The following GYS1 variants were observed in gnomAD, a reference collection of about 807,000 sequenced individuals.
GYS1 encodes the protein glycogen synthase 1.
Under a neutral mutation model 89.1 loss-of-function variants are expected in GYS1, and 60 were observed. The ratio of observed to expected loss-of-function variants is 0.67; its 90% confidence interval spans 0.55 to 0.84. The LOEUF (loss-of-function observed/expected upper bound fraction) is 0.84, where lower values mean the gene tolerates loss of function less well. Among genes scored for constraint, GYS1 ranks in the 40% least tolerant of loss-of-function variants. The pLI, the probability that GYS1 is intolerant of heterozygous loss-of-function variation, is 0.00. For synonymous variants in GYS1, 366 were observed against 401.7 expected (o/e 0.91, Z 1.06); for missense variants, 888 against 1,003.1 (o/e 0.89, Z 1.55).
rs945768678 is a variant in GYS1, at chr19:48,977,151, G to A, written c.1308+773C>T. ...TGTGGGATCTGGCTCTGTCCCCCAG[G>A]CTGGTGTACAGTGGCACAGTCATGG... is the stretch of plus-strand genomic sequence containing the variant. On this transcript the variant is annotated intron_variant, in intron 10 of 15. Coordinates refer to ENST00000323798, the MANE Select transcript of GYS1 (RefSeq NM_002103.5). 2.0e-5 allele frequency among the ~76,000 whole-genome samples: 3 copies of A among 151,726 alleles called. No homozygotes were observed. The East Asian group carries it at 5.8e-4, about 29-fold the overall frequency.
rs1164286080 is a variant in GYS1 at position 48,993,099 on chromosome 19, C to T, written c.14G>A (p.Arg5His). The change falls in exon 1 of 16, where the codon CGC becomes CAC. Residue 5 changes from arginine (R) to histidine (H), a missense_variant. Arg to His is a conservative substitution (Grantham distance 29). Transcript: ENST00000323798. MPLN[R>H]TLSMSSLPGL... ...TGGCAGTGAGGACATGGACAAAGTGCGGTTTAAAGGCATGGCTGGCGCAGG... is the reference window on the plus strand; with the variant it reads ...TGGCAGTGAGGACATGGACAAAGTGTGGTTTAAAGGCATGGCTGGCGCAGG... 6 of 1,603,818 alleles carry T rather than the reference C, an allele frequency of 3.7e-6. No homozygotes were observed. The East Asian group carries it at 1.1e-4, about 30-fold the overall frequency.
At chr19:48,970,297 T>C in intron 14 of GYS1, 1 of 503,846 alleles carries the variant, frequency 2.0e-6, no homozygotes, top group Non-Finnish European at 3.6e-6. Context: ...GCTGATTTTT[T>C]TTTATTTTTA....
At chr19:48,992,871 C>T (rs2038960370) in intron 1 of GYS1, 124 bp downstream of exon 1, 1 of 719,698 alleles carries the variant, frequency 1.4e-6, no homozygotes, top group Non-Finnish European at 2.5e-6. Context: ...TCCTCAAGGA[C>T]ACAGCCTCCT....
At chr19:48,970,366 C>T in intron 14 of GYS1, 180 bp downstream of exon 14, 1 of 619,900 alleles carries the variant, frequency 1.6e-6, no homozygotes, top group East Asian at 2.8e-5. Flanking sequence ...GCGATCCTTC[C>T]TGTTAGGCCT....
In GYS1 at chr19:48,993,128, G is replaced by C. The variant is rs774665902; in HGVS notation, c.-16C>G. On this transcript the variant is annotated 5_prime_UTR_variant, in exon 1 of 16. Transcript: ENST00000323798. ...TTAAAGGCATGGCTGGCGCAGGAAG[G>C]GGGGCTCCGGGGATCTCCAGGTAGG... 31 of 1,399,766 alleles carry C rather than the reference G, an allele frequency of 2.2e-5. No individual in the cohort carries two copies. The highest frequency in any genetic ancestry group is 1.2e-4 in the Admixed American group (7 of 59,736). 86.7% of individuals were successfully genotyped at this position (1,399,766 alleles called of 1,614,324 possible).
chr19:48,982,681 G>A (rs371214447), intron 6 of GYS1, 39 bp downstream of exon 6: 63 of 1,370,090 alleles, frequency 4.6e-5, no homozygotes, highest in Admixed American at 3.9e-4. Flanking sequence ...GGCTCCCAAC[G>A]CCCTCCTCTC....
Position 48,985,457 on chromosome 19 carries a change from C to G in GYS1, c.823+4G>C. ...ACGTCTGGGGACTTCAGCCCAGCCC[C>G]TACCTGGTTTCCTCTTGAGCAAGTG... On this transcript the variant is annotated splice_donor_region_variant and intron_variant, in intron 5 of 15. Coordinates refer to ENST00000323798, the MANE Select transcript of GYS1 (RefSeq NM_002103.5). 6.2e-7 allele frequency: 1 copy of G among 1,613,436 alleles called. No homozygotes were observed. Among genetic ancestry groups the G allele is most frequent in the African/African-American group, 1.3e-5 (1 of 75,064 alleles).
chr19:48,988,060 C>A lies in GYS1; in HGVS notation c.301-675G>T, dbSNP rs1198608542. The stretch of plus-strand genomic sequence containing the variant: ...CTTGTGATCCGCCCGCCTCGGCGTC[C>A]CAAAGTGCTGGGATTACAGGCGTGA... On this transcript the variant is annotated intron_variant, in intron 2 of 15. Transcript: ENST00000323798. 3.9e-5 allele frequency among the ~76,000 whole-genome samples: 6 copies of A among 152,326 alleles called. No individual in the cohort carries two copies. In the East Asian group the frequency reaches 7.7e-4, roughly 20 times the overall value.
intron 10 of GYS1, among the ~76,000 whole-genome samples, chr19:48,976,824 G>A (rs143917433): frequency 6.8e-6 from 1 of 146,690 alleles, no homozygotes; most frequent in African/African-American, 2.7e-5. Context: ...GAGTGCAGTG[G>A]CATAATCATA....
At chr19:48,990,562 A>G (rs2038910966) in intron 2 of GYS1, among the ~76,000 whole-genome samples, 1 of 152,206 alleles carries the variant, frequency 6.6e-6, no homozygotes, top group South Asian at 2.1e-4. Context: ...CGATGATCAT[A>G]ACAATGACAA....
At chr19:48,975,222 C>A (rs1036027886) in intron 10 of GYS1, among the ~76,000 whole-genome samples, 4 of 150,928 alleles carry the variant, frequency 2.7e-5, no homozygotes, top group African/African-American at 9.7e-5. Flanking sequence ...TGAGCCATTG[C>A]GCTCAGCCTA....
At chr19:48,987,946 G>GCCCGCCACCACGC (rs956448482) in intron 2 of GYS1, among the ~76,000 whole-genome samples, 3 of 152,088 alleles carry the variant, frequency 2.0e-5, no homozygotes, top group African/African-American at 7.2e-5. Context: ...GACTACAGCG[G>GCCCGCCACCACGC]CCCGCCACCA....
At position 48,993,236 on chromosome 19, in the gene GYS1, C is replaced by G. The variant is rs1249518343; in HGVS notation, c.-124G>C. ...CCCGACGGGAAGCTTGCAAGACGCT[C>G]GGCTTCCTATTGCAAGACCGCACCC... On this transcript the variant is annotated 5_prime_UTR_variant, in exon 1 of 16. Transcript: ENST00000323798. The G allele has an allele frequency of 1.3e-6, 1 of 760,610 alleles. No homozygotes were observed. The allele number at this position is 760,610 out of a possible 1,614,324, so 47.1% of individuals were successfully genotyped here.
chr19:48,979,626 C>T (rs112677937), intron 8 of GYS1, among the ~76,000 whole-genome samples: 20 of 148,218 alleles, frequency 1.3e-4, no homozygotes, highest in African/African-American at 3.0e-4. Context: ...TGTGAGCCAC[C>T]GCGCCCAGCC....
At position 48,971,014 on chromosome 19, in the gene GYS1, G is replaced by A. The variant is rs747911098; in HGVS notation, c.1559C>T (p.Thr520Met). 66 of 1,612,360 alleles carry A rather than the reference G, an allele frequency of 4.1e-5. No homozygotes were observed. The Middle Eastern group carries it at 4.9e-4, about 12-fold the overall frequency. ...EPWGYTPAEC[T>M]VMGIPSISTN... ...GGAGATACTGGGGATTCCCATAACC[G>A]TGCACTCAGCTGCGGGAAGGCAGGA... is the stretch of plus-strand genomic sequence containing the variant. The change falls in exon 13 of 16, where the codon ACG (threonine) becomes ATG (methionine). Residue 520 changes from threonine to methionine, a missense_variant. Thr to Met is a moderately conservative substitution (Grantham distance 81). Coordinates refer to ENST00000323798, the MANE Select transcript of GYS1 (RefSeq NM_002103.5).
chr19:48,979,769 T>C (rs1265988057), intron 8 of GYS1, among the ~76,000 whole-genome samples: 1 of 150,598 alleles, frequency 6.6e-6, no homozygotes, highest in African/African-American at 2.4e-5. Context: ...GCTTAGCCTC[T>C]CGAGTAGCTA....
chr19:48,972,431 T>C (rs2038580653), intron 12 of GYS1, among the ~76,000 whole-genome samples: 1 of 146,352 alleles, frequency 6.8e-6, no homozygotes, highest in South Asian at 2.2e-4. Flanking sequence ...ACCTCAGCCT[T>C]CCAAGATGCT....
intron 14 of GYS1, chr19:48,970,196 C>T (rs1049104949): frequency 3.7e-5 from 17 of 464,086 alleles, no homozygotes; most frequent in East Asian, 1.3e-4. Context: ...TTGAACAAGG[C>T]TCACTGCAGC....
intron 7 of GYS1, among the ~76,000 whole-genome samples, 195 bp from the exon 8 acceptor site, chr19:48,981,831 G>A (rs891964212): frequency 6.6e-6 from 1 of 152,020 alleles, no homozygotes; most frequent in Non-Finnish European, 1.5e-5. Flanking sequence ...CATACTCAGG[G>A]GCTTTCCTAC....
Sources: gnomAD v4.1 joint callset for allele counts (sites outside exome capture counted in the v4.1 genomes callset) on GRCh38, gnomAD v4.1.1 for gene constraint, MANE v1.5 for transcripts, NCBI Gene and HGNC (gene_info 2026-07-23, HGNC 2026-07-21) for gene names.